The following PIBF1 variants were observed in gnomAD, a reference collection of about 807,000 sequenced individuals.
PIBF1 encodes progesterone-induced-blocking factor 1.
PIBF1 carries 90 observed loss-of-function variants against 112.5 expected under a neutral mutation model. That is an observed-to-expected ratio of 0.80 (90% CI 0.67 to 0.95). PIBF1 has a LOEUF of 0.95. Ranked by LOEUF, PIBF1 falls within the 40% of genes least tolerant of loss-of-function variation. PIBF1 has a pLI of 0.00. For synonymous variants in PIBF1, 301 were observed against 288.6 expected, an observed-to-expected ratio of 1.04 and a Z score of -0.44; for missense variants, 915 against 852.3, an observed-to-expected ratio of 1.07 and a Z score of -0.92.
intron 17 of PIBF1, among the ~76,000 whole-genome samples, chr13:73,013,213 A>G (rs929168144): frequency 5.4e-5 from 8 of 146,926 alleles, no homozygotes; most frequent in Non-Finnish European, 1.2e-4. Flanking sequence ...AGGCAGGAGA[A>G]TGGCGTGAAC....
intron 13 of PIBF1, among the ~76,000 whole-genome samples, chr13:72,919,285 A>G (rs9543174): frequency 0.74 from 112,342 of 151,542 alleles, 41,992 homozygotes; most frequent in African/African-American, 0.81. Context: ...AGAAAAGGAT[A>G]GTTAGAACTT....
In PIBF1 at chr13:72,908,652, TTGA is replaced by T; in HGVS notation, c.1614_1616del (p.Asp538del). 6.2e-7 allele frequency: 1 copy of T among 1,613,220 alleles called. No homozygotes were observed. On this transcript the variant is annotated inframe_deletion, in exon 12 of 18. Transcript: ENST00000326291. ...ATTTATGAGAAACTGGAAAAAGAGC[TTGA>T]TGAAATAATAATGCAAACTGCAGAA...
intron 16 of PIBF1, among the ~76,000 whole-genome samples, chr13:72,985,464 G>A (rs576637990): frequency 4.6e-5 from 7 of 151,116 alleles, no homozygotes; most frequent in Admixed American, 2.0e-4. Flanking sequence ...GGCTGAACCC[G>A]GGAGGCAGAG....
At chr13:72,934,982 T>TC (rs1431097545) in intron 14 of PIBF1, among the ~76,000 whole-genome samples, 1 of 151,548 alleles carries the variant, frequency 6.6e-6, no homozygotes, top group East Asian at 1.9e-4. Context: ...TGTCTGTCTG[T>TC]TTGTTTGTTT....
intron 14 of PIBF1, among the ~76,000 whole-genome samples, chr13:72,936,617 G>T (rs2041878080): frequency 6.6e-6 from 1 of 152,186 alleles, no homozygotes; most frequent in South Asian, 2.1e-4. Flanking sequence ...ATTTATGTGT[G>T]AGACTGTTCT....
At chr13:72,985,266 G>A (rs780337228) in intron 16 of PIBF1, among the ~76,000 whole-genome samples, 27 of 149,242 alleles carry the variant, frequency 1.8e-4, no homozygotes, top group East Asian at 4.1e-4. Context: ...AGTGGCTCAC[G>A]CCTGTAATCC....
Position 72,835,370 on chromosome 13 carries a change from T to TAAAAAA in PIBF1, c.1223+10_1223+15dup. 7.4e-7 allele frequency: 1 copy of TAAAAAA among 1,349,396 alleles called. No individual in the cohort carries two copies. The highest frequency in any genetic ancestry group is 1.5e-5 in the African/African-American group (1 of 65,446). 83.6% of individuals were successfully genotyped at this position (1,349,396 alleles called of 1,614,324 possible). A position where few individuals can be genotyped will look rare whatever the true frequency, so the allele number is the denominator to read the frequency against. On this transcript the variant is annotated splice_region_variant and intron_variant, in intron 9 of 17. Transcript: ENST00000326291. Reference sequence around the variant, plus strand: ...GGAAATGTATGAACGAGAAAACAGGTAAAAAAAAAAAAATGCTTGTATGGT... The same window carrying TAAAAAA: ...GGAAATGTATGAACGAGAAAACAGGTAAAAAAAAAAAAAAAAAAATGCTTGTATGGT...
At chr13:72,813,395 G>A (rs1026811396) in intron 5 of PIBF1, among the ~76,000 whole-genome samples, 1 of 152,166 alleles carries the variant, frequency 6.6e-6, no homozygotes. Context: ...TAGTGTTCCA[G>A]TTACGTATTG....
intron 11 of PIBF1, among the ~76,000 whole-genome samples, chr13:72,898,876 C>T (rs1171812070): frequency 6.7e-6 from 1 of 150,002 alleles, no homozygotes; most frequent in Non-Finnish European, 1.5e-5. Flanking sequence ...ATTGATAGAC[C>T]ATTAACAAGA....
chr13:73,002,925 A>G (rs951313778), intron 17 of PIBF1, among the ~76,000 whole-genome samples: 1 of 136,722 alleles, frequency 7.3e-6, no homozygotes. Flanking sequence ...TGGAGGTTGC[A>G]TGAGCCAAGA....
chr13:72,827,693 G>A (rs371508877), intron 7 of PIBF1, 40 bp from the exon 8 acceptor site: 75 of 1,121,212 alleles, frequency 6.7e-5, no homozygotes, highest in Non-Finnish European at 9.0e-5. Context: ...AAAGTAAGAT[G>A]GCATCACTGT....
intron 15 of PIBF1, chr13:72,970,466 T>C (rs1451041156): frequency 3.3e-5 from 5 of 152,188 alleles, no homozygotes; most frequent in Non-Finnish European, 5.9e-5. Flanking sequence ...TAAGACTACA[T>C]TGCCAACTTC....
At chr13:72,837,189 A>T (rs995070774) in intron 9 of PIBF1, among the ~76,000 whole-genome samples, 5 of 152,124 alleles carry the variant, frequency 3.3e-5, no homozygotes, top group Non-Finnish European at 5.9e-5. Flanking sequence ...AAGAAATTAT[A>T]CGTATTCTTA....
At position 72,783,505 on chromosome 13, in the gene PIBF1, G is replaced by A. The variant is rs757705499; in HGVS notation, c.36G>A (p.Val12=). ...SRKISKESKK[V]NISSSLESED... ...AAATTTCAAAGGAGTCAAAAAAAGT[G>A]AACATCTCTAGTTCTCTGGAATCTG... is the stretch of plus-strand genomic sequence containing the variant. The change falls in exon 2 of 18, where the codon GTG becomes GTA. Residue 12 remains valine, a synonymous_variant. Coordinates refer to ENST00000326291, the MANE Select transcript of PIBF1 (RefSeq NM_006346.4). 13 of 1,607,540 alleles carry A rather than the reference G, an allele frequency of 8.1e-6. No homozygotes were observed. In the Admixed American group the frequency reaches 2.2e-4, roughly 27 times the overall value.
intron 10 of PIBF1, among the ~76,000 whole-genome samples, chr13:72,862,383 C>T (rs1006162477): frequency 6.6e-5 from 10 of 152,152 alleles, no homozygotes; most frequent in African/African-American, 2.4e-4. Flanking sequence ...GCAAGAGAAT[C>T]GCTAAAGTCC....
At chr13:72,886,244 C>G (rs548888586) in intron 10 of PIBF1, among the ~76,000 whole-genome samples, 1 of 151,740 alleles carries the variant, frequency 6.6e-6, no homozygotes, top group South Asian at 2.1e-4. Flanking sequence ...GAATTTTTTT[C>G]TTTAGTGTAG....
chr13:72,922,525 CTG>C (rs770359559), intron 13 of PIBF1, among the ~76,000 whole-genome samples: 64 of 152,256 alleles, frequency 4.2e-4, no homozygotes, highest in Non-Finnish European at 7.8e-4. Flanking sequence ...GTATATGCCT[CTG>C]TGTTTGTTTT....
Position 72,965,367 on chromosome 13 carries a change from C to T in PIBF1, c.1927C>T (p.Leu643=), listed in dbSNP as rs1191549924. 55 of 1,610,462 alleles carry T rather than the reference C, an allele frequency of 3.4e-5. No individual in the cohort carries two copies. The highest frequency in any genetic ancestry group is 4.6e-5 in the Non-Finnish European group (54 of 1,177,616). Residue 643 remains leucine, a synonymous_variant, in exon 15 of 18, where the codon CTG becomes TTG. Transcript: ENST00000326291. ...VRQRDSKIDS[L]TESIAQLEKD... is the part of the protein sequence containing the mutation. ...TCAGAGAGATTCTAAGATTGATTCA[C>T]TGACGGAATCTATTGCACAACTTGA... is the stretch of plus-strand genomic sequence containing the variant.
At chr13:73,006,281 T>C (rs1311250728) in intron 17 of PIBF1, among the ~76,000 whole-genome samples, 3 of 152,164 alleles carry the variant, frequency 2.0e-5, no homozygotes, top group Non-Finnish European at 4.4e-5. Context: ...GACCTCAAAA[T>C]ATCTAGCTGT....
Sources: gnomAD v4.1 joint callset for allele counts (sites outside exome capture counted in the v4.1 genomes callset) on GRCh38, gnomAD v4.1.1 for gene constraint, MANE v1.5 for transcripts, NCBI Gene and HGNC (gene_info 2026-07-23, HGNC 2026-07-21) for gene names.